SHANK2: variants seen among roughly 807,000 people sequenced by gnomAD.
The protein encoded by SHANK2 is SH3 and multiple ankyrin repeat domains protein 2.
A neutral mutation model predicts 133.7 loss-of-function variants in SHANK2; 43 were observed. The ratio of observed to expected loss-of-function variants is 0.32; its 90% CI spans 0.25 to 0.41. SHANK2 has a LOEUF of 0.41. Among genes scored for constraint, SHANK2 ranks in the 10% least tolerant of loss-of-function variants. SHANK2 has a pLI of 1.00. For synonymous variants in SHANK2, 1,017 were observed against 952.8 expected (o/e 1.07, Z -1.24); for missense variants, 1,994 against 2,235.8 (o/e 0.89, Z 2.18).
intron 1 of SHANK2, among the ~76,000 whole-genome samples, chr11:71,248,822 G>A (rs1181371691): frequency 2.6e-5 from 4 of 152,082 alleles, no homozygotes; most frequent in Admixed American, 2.0e-4. Context: ...CCCACGCTGG[G>A]TTGGGGACCC....
intron 11 of SHANK2, among the ~76,000 whole-genome samples, chr11:70,823,391 AG>A (rs1471710923): frequency 3.1e-5 from 1 of 32,776 alleles, no homozygotes. Context: ...CAGAGTTCAT[AG>A]GGGACAGAGG....
intron 9 of SHANK2, among the ~76,000 whole-genome samples, chr11:71,074,799 A>C (rs1951197642): frequency 1.4e-5 from 1 of 69,552 alleles, no homozygotes. Context: ...TTTTTTTTTG[A>C]GACGGAGTCT....
rs534524264 is a variant in SHANK2, at chr11:70,847,937, C to G, written c.1175-27255G>C. Among the ~76,000 whole-genome samples, 11 of 152,304 alleles carry G rather than the reference C, an allele frequency of 7.2e-5. No homozygotes were observed. The East Asian group carries it at 2.1e-3, about 29-fold the overall frequency. On this transcript the variant is annotated intron_variant, in intron 11 of 25. Coordinates refer to ENST00000601538, the MANE Select transcript of SHANK2 (RefSeq NM_012309.5). ...TCCCAGGCTTCACGGCTACAGGAGA[C>G]CTGGGGAGCCCAGGGCTGCTGAGGT...
intron 17 of SHANK2, among the ~76,000 whole-genome samples, chr11:70,546,245 T>C (rs1281318164): frequency 6.6e-6 from 1 of 151,996 alleles, no homozygotes; most frequent in African/African-American, 2.4e-5. Flanking sequence ...AGAGTTTTAA[T>C]GGAGGTTTCA....
At chr11:70,519,937 A>G (rs1387591009) in intron 17 of SHANK2, among the ~76,000 whole-genome samples, 3 of 146,536 alleles carry the variant, frequency 2.0e-5, no homozygotes, top group African/African-American at 7.6e-5. Context: ...TTTTAAAGGC[A>G]AGGTCTCACC....
At position 71,252,117 on chromosome 11, in the gene SHANK2, G is replaced by T. The variant is rs1591053837; in HGVS notation, c.-113+308C>A. Among the ~76,000 whole-genome samples, 1 of 152,140 alleles carries T rather than the reference G, an allele frequency of 6.6e-6. No individual in the cohort carries two copies. The highest frequency in any genetic ancestry group is 2.4e-5 in the African/African-American group (1 of 41,454). On this transcript the variant is annotated intron_variant, in intron 1 of 25. Transcript: ENST00000601538. The surrounding 1 kb of genome is among the most constrained non-coding windows in gnomAD (Gnocchi z 6.3). ...GGTCCATGCGCGCAGGAGATAAAGC[G>T]GGGGCTCCTTCCTGCGCTCTGCCCC...
chr11:71,107,797 A>G (rs1951823542), intron 6 of SHANK2, among the ~76,000 whole-genome samples: 2 of 152,286 alleles, frequency 1.3e-5, no homozygotes, highest in African/African-American at 4.8e-5. Context: ...CAGAACCTTA[A>G]AGTCGAGACA....
chr11:70,919,925 C>T (rs1950326440), intron 10 of SHANK2, among the ~76,000 whole-genome samples: 1 of 152,184 alleles, frequency 6.6e-6, no homozygotes, highest in South Asian at 2.1e-4. Flanking sequence ...CAATCAAGAG[C>T]AACCAACCCA....
intron 14 of SHANK2, among the ~76,000 whole-genome samples, chr11:70,769,434 C>G (rs1219105851): frequency 6.6e-6 from 1 of 152,180 alleles, no homozygotes; most frequent in Non-Finnish European, 1.5e-5. Flanking sequence ...CAGGTCGCCA[C>G]TGGGGTTTTC....
Position 70,920,837 on chromosome 11 carries a change from G to A in SHANK2, c.1108-24270C>T, listed in dbSNP as rs575185488. 2.0e-3 allele frequency among the ~76,000 whole-genome samples: 312 copies of A among 152,302 alleles called. 2 individuals are homozygous for A. Among genetic ancestry groups the A allele is most frequent in the African/African-American group, 6.7e-3 (277 of 41,580 alleles). Reference sequence around the variant, plus strand: ...TAAAGTTTTTAGCATAGCTGAAGGCGATACAGATGTTAAGATCAAGGAGGT... The same window carrying A: ...TAAAGTTTTTAGCATAGCTGAAGGCAATACAGATGTTAAGATCAAGGAGGT... On this transcript the variant is annotated intron_variant, in intron 10 of 25. Coordinates refer to ENST00000601538, the MANE Select transcript of SHANK2 (RefSeq NM_012309.5).
Position 70,784,690 on chromosome 11 carries a change from G to A in SHANK2, c.1777+13753C>T, listed in dbSNP as rs141088788. ...GTGTTACTGTCCCCCTCTGTGGCAT[G>A]GGCTGAGCTCTGTCTGCCTCCCTGG... On this transcript the variant is annotated intron_variant, in intron 14 of 25. Coordinates refer to ENST00000601538, the MANE Select transcript of SHANK2 (RefSeq NM_012309.5). 8.6e-4 allele frequency among the ~76,000 whole-genome samples: 131 copies of A among 152,296 alleles called. 1 individual carries two copies. The highest frequency in any genetic ancestry group is 6.8e-3 in the Middle Eastern group (2 of 294).
intron 17 of SHANK2, among the ~76,000 whole-genome samples, chr11:70,625,250 G>T (rs993458922): frequency 2.6e-5 from 4 of 152,118 alleles, no homozygotes; most frequent in Non-Finnish European, 4.4e-5. Flanking sequence ...AACACGCATG[G>T]GGCATTGCCG....
chr11:70,786,773 C>T (rs1002701349), intron 14 of SHANK2, among the ~76,000 whole-genome samples: 9 of 152,122 alleles, frequency 5.9e-5, no homozygotes, highest in Non-Finnish European at 1.2e-4. Flanking sequence ...TTGTTCATGG[C>T]CAGAGCAGTA....
intron 15 of SHANK2, chr11:70,662,091 C>T (rs1389440582): frequency 6.5e-6 from 3 of 462,218 alleles, no homozygotes; most frequent in Non-Finnish European, 8.0e-6. Context: ...GAATGAGCTC[C>T]TCCGGCTTGT....
intron 17 of SHANK2, among the ~76,000 whole-genome samples, chr11:70,553,683 G>A (rs545662784): frequency 7.5e-4 from 115 of 152,336 alleles, no homozygotes; most frequent in Non-Finnish European, 9.3e-4. Flanking sequence ...TCAGCAAGAC[G>A]CTTCTCCTCT....
intron 14 of SHANK2, among the ~76,000 whole-genome samples, chr11:70,707,102 T>G (rs1249840771): frequency 1.3e-5 from 2 of 152,214 alleles, no homozygotes; most frequent in Admixed American, 1.3e-4. Flanking sequence ...CAAGGTGTGG[T>G]GGCTCACACC....
chr11:70,579,763 T>C (rs144682053), intron 17 of SHANK2, among the ~76,000 whole-genome samples: 79 of 152,346 alleles, frequency 5.2e-4, no homozygotes, highest in African/African-American at 1.8e-3. Flanking sequence ...GCAGATGTGA[T>C]GAAGACCTGG....
chr11:71,227,432 A>C (rs1156767561), intron 1 of SHANK2, among the ~76,000 whole-genome samples: 1 of 152,186 alleles, frequency 6.6e-6, no homozygotes, highest in Non-Finnish European at 1.5e-5. Context: ...CTATGTTAAT[A>C]TTAGATAAAG....
chr11:70,622,919 G>A lies in SHANK2; in HGVS notation c.2061+36909C>T, dbSNP rs868969524. Among the ~76,000 whole-genome samples the A allele has an allele frequency of 9.2e-5, 14 of 152,274 alleles. 1 individual carries two copies. Among genetic ancestry groups the A allele is most frequent in the Non-Finnish European group, 5.9e-5 (4 of 68,020 alleles). On this transcript the variant is annotated intron_variant, in intron 17 of 25. Coordinates refer to ENST00000601538, the MANE Select transcript of SHANK2 (RefSeq NM_012309.5). ...CAGCCAGGTGCGGTGGCTCACACCT[G>A]TAATCCCAGCACTTTGGGAGGCCGA...
Sources: gnomAD v4.1 joint callset for allele counts (sites outside exome capture counted in the v4.1 genomes callset) on GRCh38, gnomAD v4.1.1 for gene constraint, Gnocchi (gnomAD v3.1) non-coding constraint, MANE v1.5 for transcripts, NCBI Gene and HGNC (gene_info 2026-07-23, HGNC 2026-07-21) for gene names.